Variants in FGD1 observed in about 807,000 individuals in gnomAD.
FGD1 encodes FYVE, RhoGEF and PH domain containing 1.
In FGD1, 12 loss-of-function variants were observed where a neutral mutation model predicts 65.0. The ratio of observed to expected loss-of-function variants is 0.18; its 90% CI spans 0.12 to 0.30. The LOEUF is 0.30. FGD1 is among the 10% of genes least tolerant of loss of function. FGD1 has a pLI of 1.00. For synonymous variants in FGD1, 333 were observed against 343.9 expected (o/e 0.97, Z 0.35); for missense variants, 542 against 837.6 (o/e 0.65, Z 4.36).
At chrX:54,451,531 C>G (rs1035681531) in intron 12 of FGD1, among the ~76,000 whole-genome samples, 1 of 108,939 alleles carries the variant, frequency 9.2e-6, no homozygotes, top group Non-Finnish European at 1.9e-5. Flanking sequence ...GTGATCCACC[C>G]GCCTTGGCCT....
At chrX:54,492,338 G>A (rs1923429681) in intron 1 of FGD1, among the ~76,000 whole-genome samples, 1 of 111,992 alleles carries the variant, frequency 8.9e-6, no homozygotes, top group Non-Finnish European at 1.9e-5. Flanking sequence ...CCCTAAAGAT[G>A]GTGATTCAAT....
rs375305624 is a variant in FGD1 at position 54,470,546 on chromosome X, C to T, written c.659+37G>A. The T allele has an allele frequency of 5.9e-6, 7 of 1,189,292 alleles. No individual in the cohort carries two copies. In the African/African-American group the frequency reaches 1.1e-4, roughly 18 times the overall value. On this transcript the variant is annotated intron_variant, in intron 3 of 17. Coordinates refer to ENST00000375135, the MANE Select transcript of FGD1 (RefSeq NM_004463.3). ...CTATCCCTTCCTGTCCCAGGCTCCC[C>T]CTTTCCCCTAGAGGGTGCCCTAGGG...
chrX:54,493,094 A>T (rs973671423), intron 1 of FGD1, among the ~76,000 whole-genome samples: 1 of 110,889 alleles, frequency 9.0e-6, no homozygotes, highest in Non-Finnish European at 1.9e-5. Context: ...CAGAATCATC[A>T]CCTTGTATTG....
In FGD1 at chrX:54,448,825, C is replaced by T. The variant is rs1569540985; in HGVS notation, c.2417G>A (p.Arg806His). 30 of 1,209,917 alleles carry T rather than the reference C, an allele frequency of 2.5e-5. No homozygotes were observed. The highest frequency in any genetic ancestry group is 3.1e-5 in the Non-Finnish European group (28 of 895,189). ...TCTTACCTCCAGGATGGACCTCCGG[C>T]GCTGGGGTGTATGCTGGCTGCAGGC... The part of the protein sequence containing the change: ...SPACSQHTPQ[R>H]RRSILEKQAS... Residue 806 changes from arginine (R) to histidine (H), a missense_variant, in exon 16 of 18, where the codon CGC (arginine) becomes CAC (histidine). Physicochemically the swap from Arg to His is conservative, Grantham distance 29 (BLOSUM62 0). This residue lies in a region of FGD1 where 182 missense variants were observed against 311.4 expected (regional missense o/e 0.58). Coordinates refer to ENST00000375135, the MANE Select transcript of FGD1 (RefSeq NM_004463.3).
intron 8 of FGD1, among the ~76,000 whole-genome samples, chrX:54,461,619 A>AG (rs1922636984): frequency 9.4e-6 from 1 of 106,115 alleles, no homozygotes; most frequent in Admixed American, 1.0e-4. Flanking sequence ...AAAAAAAAAA[A>AG]AAAAAAAGAA....
At position 54,445,990 on chromosome X, in the gene FGD1, AAAGTGCCCGTG is replaced by A. The variant is rs1357590384; in HGVS notation, c.*108_*118del. On this transcript the variant is annotated 3_prime_UTR_variant, in exon 18 of 18. Transcript: ENST00000375135. ...ACCCAAGACCCAGCATTCGGGATTG[AAAGTGCCCGTG>A]ATGGGAGTTCAAGTATTGACTGAGC... The A allele has an allele frequency of 1.9e-6, 1 of 524,377 alleles. No homozygotes were observed. The highest frequency in any genetic ancestry group is 3.1e-6 in the Non-Finnish European group (1 of 321,190). The allele number at this position is 524,377 out of a possible 1,213,427, so 43.2% of individuals were successfully genotyped here.
intron 1 of FGD1, among the ~76,000 whole-genome samples, chrX:54,476,853 T>G (rs1054494790): frequency 2.7e-5 from 3 of 110,062 alleles, no homozygotes; most frequent in Non-Finnish European, 5.7e-5. Flanking sequence ...TATTTTTTAT[T>G]TTTGAGGTGA....
chrX:54,479,689 A>G (rs1923098218), intron 1 of FGD1, among the ~76,000 whole-genome samples: 1 of 103,619 alleles, frequency 9.7e-6, no homozygotes, highest in African/African-American at 3.5e-5. Context: ...GGGTGGGGAA[A>G]GGGAGCAGAG....
rs758383763 is a variant in FGD1, at chrX:54,447,473, G to A, written c.2437-19C>T. On this transcript the variant is annotated intron_variant, in intron 16 of 17. Coordinates refer to ENST00000375135, the MANE Select transcript of FGD1 (RefSeq NM_004463.3). ...CCTGTTTCTGTGGCCAGAGACACCG[G>A]GCATCAATGTTGACAGAAGGCCTAG... 14 of 1,204,382 alleles carry A rather than the reference G, an allele frequency of 1.2e-5. No homozygotes were observed. The East Asian group carries it at 3.9e-4, about 33-fold the overall frequency.
Position 54,495,550 on chromosome X carries a change from G to T in FGD1, c.-118C>A. The T allele has an allele frequency of 2.2e-6, 1 of 455,013 alleles. No individual in the cohort carries two copies. The highest frequency in any genetic ancestry group is 3.1e-6 in the Non-Finnish European group (1 of 325,608). The allele number at this position is 455,013 out of a possible 1,213,427, so 37.5% of individuals were successfully genotyped here. ...CAGCGGCCTCAGGATCGGGGGGCGG[G>T]ACTGCGGGCTCAGCCCCACTGCAGA... On this transcript the variant is annotated 5_prime_UTR_variant, in exon 1 of 18. Transcript: ENST00000375135.
chrX:54,486,425 T>G (rs1334540142), intron 1 of FGD1, among the ~76,000 whole-genome samples: 1 of 111,132 alleles, frequency 9.0e-6, no homozygotes, highest in Non-Finnish European at 1.9e-5. Context: ...ATTTTGTATT[T>G]TTAGTAGAGA....
At chrX:54,456,906 C>T (rs957223781) in intron 8 of FGD1, among the ~76,000 whole-genome samples, 3 of 111,449 alleles carry the variant, frequency 2.7e-5, no homozygotes, top group Non-Finnish European at 5.6e-5. Context: ...GCTGGGATTA[C>T]AGGCGTGAGC....
In FGD1 at chrX:54,470,722, G is replaced by GGGGGCCGGGCCCCCCGGGGGGGGGC; in HGVS notation, c.519_520insGCCCCCCCCCGGGGGGCCCGGCCCC (p.Pro174AlafsTer51). On this transcript the variant is annotated frameshift_variant, in exon 3 of 18. Transcript: ENST00000375135. LOFTEE classifies it high-confidence loss of function. ...GGGGGGATGGGCTCCAGTGGGGGGG[G>GGGGGCCGGGCCCCCCGGGGGGGGGC]CATCCGGGGCATCTGCAGGTAGCTG... 1 of 538,258 alleles carries GGGGGCCGGGCCCCCCGGGGGGGGGC rather than the reference G, an allele frequency of 1.9e-6. No individual in the cohort carries two copies. The highest frequency in any genetic ancestry group is 2.8e-6 in the Non-Finnish European group (1 of 356,051). The allele number at this position is 538,258 out of a possible 1,213,427, so 44.4% of individuals were successfully genotyped here.
In FGD1 at chrX:54,455,546, G is replaced by C. The variant is rs756961543; in HGVS notation, c.1936-19C>G. ...CCTTTAGCTGAATGGAGGCAGAAAG[G>C]GGCATGGTGAGGCCACTGAACTCCA... On this transcript the variant is annotated intron_variant, in intron 11 of 17. Transcript: ENST00000375135. 3.4e-5 allele frequency: 40 copies of C among 1,178,956 alleles called. No individual in the cohort carries two copies. In the Middle Eastern group the frequency reaches 1.4e-3, roughly 41 times the overall value.
chrX:54,457,747 A>AT (rs952913900), intron 8 of FGD1, among the ~76,000 whole-genome samples: 6 of 109,249 alleles, frequency 5.5e-5, no homozygotes, highest in African/African-American at 2.0e-4. Flanking sequence ...ATAACAGGGG[A>AT]TTTTTTTCCT....
chrX:54,491,649 G>A (rs929325953), intron 1 of FGD1, among the ~76,000 whole-genome samples: 20 of 112,264 alleles, frequency 1.8e-4, no homozygotes, highest in Admixed American at 1.7e-3. Flanking sequence ...TCCCACTCTA[G>A]GCTGTGCATC....
chrX:54,486,619 G>A (rs1197869310), intron 1 of FGD1, among the ~76,000 whole-genome samples: 1 of 110,404 alleles, frequency 9.1e-6, no homozygotes, highest in Non-Finnish European at 1.9e-5. Context: ...GGCCTCAAGT[G>A]ATCCACCCGC....
intron 1 of FGD1, among the ~76,000 whole-genome samples, chrX:54,492,046 G>C (rs927995337): frequency 2.7e-5 from 3 of 110,755 alleles, no homozygotes; most frequent in Non-Finnish European, 5.7e-5. Context: ...CAACCCTGAG[G>C]AATAGAGCAA....
intron 1 of FGD1, 33 bp downstream of exon 1, chrX:54,495,093 C>A (rs1032965384): frequency 5.2e-6 from 6 of 1,158,376 alleles, no homozygotes; most frequent in Non-Finnish European, 6.9e-6. Flanking sequence ...GCCCGTGGCC[C>A]GGGCTCCCAT....
Sources: allele counts gnomAD v4.1 joint callset (sites outside exome capture counted in the v4.1 genomes callset), GRCh38; gene constraint gnomAD v4.1.1; regional missense constraint gnomAD v4.1.1; transcripts MANE v1.5; gene names NCBI Gene and HGNC (gene_info 2026-07-23, HGNC 2026-07-21).